SCN11A: variants seen among roughly 807,000 people sequenced by gnomAD.
SCN11A encodes the protein sodium voltage-gated channel alpha subunit 11.
SCN11A carries 122 observed loss-of-function variants against 162.2 expected under a neutral mutation model. The observed-to-expected ratio is 0.75, with a 90% CI of 0.65 to 0.87. The LOEUF (loss-of-function observed/expected upper bound fraction) is 0.87, where lower values mean the gene tolerates loss of function less well. Ranked by LOEUF, SCN11A falls within the 40% of genes least tolerant of loss-of-function variation. The pLI is 0.00. For synonymous variants in SCN11A, 758 were observed against 751.5 expected, an observed-to-expected ratio of 1.01 and a Z score of -0.14; for missense variants, 2,015 against 2,181.6, an observed-to-expected ratio of 0.92 and a Z score of 1.52.
At chr3:38,992,221 C>A (rs2030474421) in intron 2 of SCN11A, among the ~76,000 whole-genome samples, 1 of 152,238 alleles carries the variant, frequency 6.6e-6, no homozygotes, top group South Asian at 2.1e-4. Flanking sequence ...CACCTATATT[C>A]TAACAGTGAA....
intron 23 of SCN11A, 99 bp from the exon 24 acceptor site, chr3:38,872,393 G>A (rs981013483): frequency 2.9e-6 from 2 of 693,068 alleles, no homozygotes; most frequent in Non-Finnish European, 5.3e-6. Context: ...CCATAAACGT[G>A]GGAACAATGC....
chr3:38,927,221 G>A (rs377213710), intron 7 of SCN11A, among the ~76,000 whole-genome samples: 6 of 152,280 alleles, frequency 3.9e-5, no homozygotes, highest in African/African-American at 1.4e-4. Flanking sequence ...AAGCACTGGA[G>A]GTTGTACTTT....
chr3:39,041,854 C>T (rs2032054826), intron 1 of SCN11A, among the ~76,000 whole-genome samples: 1 of 152,050 alleles, frequency 6.6e-6, no homozygotes. Context: ...CAAAGAATTT[C>T]AAAACAACTA....
chr3:38,982,400 C>T lies in SCN11A; in HGVS notation c.-279-21977G>A, dbSNP rs375171239. Among the ~76,000 whole-genome samples the T allele has an allele frequency of 7.9e-5, 12 of 152,294 alleles. 1 individual carries two copies. In the East Asian group the frequency reaches 1.3e-3, roughly 17 times the overall value. ...ACAAAGTGCACAAGTCTTCCTGGCC[C>T]ACTAAGGCATCCTTTTTTCTTAATG... On this transcript the variant is annotated intron_variant, in intron 2 of 29. Coordinates refer to ENST00000302328, the MANE Select transcript of SCN11A (RefSeq NM_001349253.2).
chr3:38,891,411 G>T (rs1432187236), intron 19 of SCN11A, among the ~76,000 whole-genome samples: 2 of 152,044 alleles, frequency 1.3e-5, no homozygotes, highest in Admixed American at 1.3e-4. Flanking sequence ...GAAATGTGGT[G>T]CACCATTAAG....
intron 26 of SCN11A, 42 bp from the exon 27 acceptor site, chr3:38,867,500 G>T (rs773984449): frequency 6.6e-7 from 1 of 1,507,422 alleles, no homozygotes; most frequent in Non-Finnish European, 9.1e-7. Context: ...ACAATTACTG[G>T]AGAAAAATAT....
chr3:39,025,609 T>G lies in SCN11A; in HGVS notation c.-280+6771A>C, dbSNP rs564374484. ...TAAACTGTCATGGCGCTGGTGGGAG[T>G]GTCTTCTAGCATGTTAATGCATTAT... On this transcript the variant is annotated intron_variant, in intron 2 of 29. Coordinates refer to ENST00000302328, the MANE Select transcript of SCN11A (RefSeq NM_001349253.2). 4.1e-4 allele frequency among the ~76,000 whole-genome samples: 63 copies of G among 151,994 alleles called. No homozygotes were observed. The South Asian group carries it at 0.013, about 31-fold the overall frequency.
chr3:38,863,079 T>C, intron 28 of SCN11A, 116 bp downstream of exon 28: 1 of 681,084 alleles, frequency 1.5e-6, no homozygotes, highest in Non-Finnish European at 2.6e-6. Flanking sequence ...TTGACTTCTG[T>C]TGAGTCCTTA....
intron 11 of SCN11A, among the ~76,000 whole-genome samples, chr3:38,914,520 C>T (rs1393320069): frequency 6.6e-6 from 1 of 152,138 alleles, no homozygotes; most frequent in South Asian, 2.1e-4. Context: ...ACTCCCAATA[C>T]TATGTTGAAT....
chr3:38,952,545 T>C (rs1009874773), intron 4 of SCN11A, among the ~76,000 whole-genome samples: 3 of 152,238 alleles, frequency 2.0e-5, no homozygotes, highest in South Asian at 2.1e-4. Flanking sequence ...ACACAGTCCC[T>C]GGTCCAACAG....
At chr3:38,963,354 T>G (rs111534679) in intron 2 of SCN11A, among the ~76,000 whole-genome samples, 1,894 of 54,134 alleles carry the variant, frequency 0.035, 12 homozygotes, top group East Asian at 0.045. Context: ...ATTTGATGGA[T>G]ATATATATAT....
At chr3:38,921,648 A>G (rs1369393087) in intron 9 of SCN11A, among the ~76,000 whole-genome samples, 1 of 152,156 alleles carries the variant, frequency 6.6e-6, no homozygotes, top group Non-Finnish European at 1.5e-5. Context: ...CATTTAGTAG[A>G]TACTGTCTAC....
chr3:38,900,090 A>T lies in SCN11A; in HGVS notation c.1843-17T>A. ...AGTGAAAACCTAGAGTGGGACAAAG[A>T]AGAATGAGAGAAGGAAGCTGCGGAG... is the stretch of plus-strand genomic sequence containing the variant. On this transcript the variant is annotated splice_polypyrimidine_tract_variant and intron_variant, in intron 16 of 29. Coordinates refer to ENST00000302328, the MANE Select transcript of SCN11A (RefSeq NM_001349253.2). 6.2e-7 allele frequency: 1 copy of T among 1,608,758 alleles called. No homozygotes were observed. Among genetic ancestry groups the T allele is most frequent in the Admixed American group, 1.7e-5 (1 of 59,946 alleles).
At chr3:39,026,000 C>T (rs1046847249) in intron 2 of SCN11A, 1 of 152,114 alleles carries the variant, frequency 6.6e-6, no homozygotes, top group African/African-American at 2.4e-5. Flanking sequence ...CTTGCTTCAG[C>T]AGCACATATA....
intron 1 of SCN11A, among the ~76,000 whole-genome samples, chr3:39,050,370 C>G (rs2032305391): frequency 6.6e-6 from 1 of 152,192 alleles, no homozygotes; most frequent in Non-Finnish European, 1.5e-5. Flanking sequence ...ACTCTAAGTT[C>G]TATGACTATG....
intron 1 of SCN11A, among the ~76,000 whole-genome samples, chr3:39,051,337 CTCA>C (rs1378050518): frequency 6.6e-6 from 1 of 151,978 alleles, no homozygotes; most frequent in Non-Finnish European, 1.5e-5. Flanking sequence ...TCCATGTGTT[CTCA>C]TCATTTAGCT....
At chr3:39,034,126 C>T (rs2031837434) in intron 1 of SCN11A, among the ~76,000 whole-genome samples, 1 of 152,120 alleles carries the variant, frequency 6.6e-6, no homozygotes, top group Non-Finnish European at 1.5e-5. Flanking sequence ...CGCACCACTG[C>T]ATTCCAGCCT....
chr3:38,877,093 GGTATATATATGGTGTATATACTATATATA>G (rs2065225413), intron 23 of SCN11A, among the ~76,000 whole-genome samples: 1 of 35,972 alleles, frequency 2.8e-5, no homozygotes, highest in African/African-American at 9.8e-5. Context: ...CTATATATAT[GGTATATATATGGTGTATATACTATATATA>G]TGGTGTATAT....
rs1243701285 is a variant in SCN11A at position 38,957,919 on chromosome 3, A to G, written c.-139+2364T>C. On this transcript the variant is annotated intron_variant, in intron 3 of 29. Transcript: ENST00000302328. ...ACCATGCCATGTGTACGTCTGCACC[A>G]GAGGCAATTGTTGGGTGCTGTGGGA... 3.3e-5 allele frequency among the ~76,000 whole-genome samples: 5 copies of G among 152,334 alleles called. No individual in the cohort carries two copies. The East Asian group carries it at 9.7e-4, about 29-fold the overall frequency.
Sources: gnomAD v4.1 joint callset for allele counts (sites outside exome capture counted in the v4.1 genomes callset) on GRCh38, gnomAD v4.1.1 for gene constraint, MANE v1.5 for transcripts, NCBI Gene and HGNC (gene_info 2026-07-23, HGNC 2026-07-21) for gene names.